The following PRKCQ variants were observed in gnomAD, a reference collection of about 807,000 sequenced individuals.
PRKCQ encodes protein kinase C theta type.
PRKCQ carries 41 observed loss-of-function variants against 91.2 expected under a neutral mutation model. The observed-to-expected ratio is 0.45, with a 90% CI of 0.35 to 0.58. The LOEUF (loss-of-function observed/expected upper bound fraction) is 0.58. PRKCQ is among the 20% of genes least tolerant of loss of function. The pLI is 0.00. For synonymous variants in PRKCQ, 307 were observed against 316.9 expected, an observed-to-expected ratio of 0.97 and a Z score of 0.33; for missense variants, 673 against 896.5, an observed-to-expected ratio of 0.75 and a Z score of 3.18.
At chr10:6,561,883 G>A (rs1404281775) in intron 1 of PRKCQ, among the ~76,000 whole-genome samples, 1 of 152,200 alleles carries the variant, frequency 6.6e-6, no homozygotes, top group Non-Finnish European at 1.5e-5. Context: ...CAGCATGAAA[G>A]AGTTGAGGAA....
intron 12 of PRKCQ, 63 bp downstream of exon 12, chr10:6,478,929 A>C (rs1417453761): frequency 6.4e-7 from 1 of 1,569,552 alleles, no homozygotes; most frequent in African/African-American, 1.4e-5. Flanking sequence ...TGAGGGCGCC[A>C]TTGAAGGTAT....
At chr10:6,469,003 T>G (rs970186770) in intron 12 of PRKCQ, among the ~76,000 whole-genome samples, 1 of 152,248 alleles carries the variant, frequency 6.6e-6, no homozygotes, top group African/African-American at 2.4e-5. Context: ...GTGCCTGGCA[T>G]ATAGCAAGAA....
intron 1 of PRKCQ, among the ~76,000 whole-genome samples, chr10:6,534,261 C>T (rs192618893): frequency 6.6e-4 from 101 of 152,136 alleles, no homozygotes; most frequent in Admixed American, 1.8e-3. Context: ...CTCTGTGATT[C>T]CAAATGCCAA....
intron 1 of PRKCQ, among the ~76,000 whole-genome samples, chr10:6,521,384 C>T (rs1447969062): frequency 6.6e-6 from 1 of 152,190 alleles, no homozygotes; most frequent in Admixed American, 6.5e-5. Context: ...TTCAGCCCAG[C>T]ACTTGTTGTA....
intron 1 of PRKCQ, among the ~76,000 whole-genome samples, chr10:6,525,504 G>A (rs999606723): frequency 6.6e-5 from 10 of 152,214 alleles, no homozygotes; most frequent in African/African-American, 1.7e-4. Flanking sequence ...CCACCTCGCC[G>A]TACTTTCTGT....
intron 14 of PRKCQ, among the ~76,000 whole-genome samples, chr10:6,458,370 C>T (rs1301917675): frequency 6.6e-6 from 1 of 152,130 alleles, no homozygotes; most frequent in East Asian, 1.9e-4. Context: ...GGGCAGAGAA[C>T]CCAGAGGCCC....
rs1332217389 is a variant in PRKCQ, at chr10:6,430,525, C to T, written c.1965+285G>A. ...ACCCCCATCTTGTTTAATAGTCACC[C>T]TCACAAATTCATATTCAACCTAAGG... is the stretch of plus-strand genomic sequence containing the variant. On this transcript the variant is annotated intron_variant, in intron 17 of 17. Transcript: ENST00000263125. This position sits in a 1 kb window ranked among gnomAD's most constrained non-coding sequence, Gnocchi z 4.7. 6.6e-6 allele frequency among the ~76,000 whole-genome samples: 1 copy of T among 152,192 alleles called. No individual in the cohort carries two copies. The highest frequency in any genetic ancestry group is 1.5e-5 in the Non-Finnish European group (1 of 68,042).
chr10:6,508,740 G>C (rs901995302), intron 3 of PRKCQ, among the ~76,000 whole-genome samples: 1 of 152,192 alleles, frequency 6.6e-6, no homozygotes, highest in Non-Finnish European at 1.5e-5. Context: ...TTGGCACCAG[G>C]TGACCACAAG....
At chr10:6,475,647 T>C (rs1721535549) in intron 12 of PRKCQ, among the ~76,000 whole-genome samples, 1 of 152,236 alleles carries the variant, frequency 6.6e-6, no homozygotes, top group Admixed American at 6.5e-5. Flanking sequence ...TTATCTGATG[T>C]CTACACTAGC....
In PRKCQ at chr10:6,428,032, T is replaced by TGAA. The variant is rs367546570; in HGVS notation, c.*172_*174dup. The TGAA allele has an allele frequency of 1.4e-6, 1 of 722,994 alleles. No homozygotes were observed. Among genetic ancestry groups the TGAA allele is most frequent in the African/African-American group, 1.8e-5 (1 of 56,240 alleles). 44.8% of individuals were successfully genotyped at this position (722,994 alleles called of 1,614,324 possible). Reference sequence around the variant, plus strand: ...ACGAGACACACGGCATCGTCATTAGTGAAGTAGACTTGGTTTCTGCTACAG... The same window carrying TGAA: ...ACGAGACACACGGCATCGTCATTAGTGAAGAAGTAGACTTGGTTTCTGCTACAG... On this transcript the variant is annotated 3_prime_UTR_variant, in exon 18 of 18. Transcript: ENST00000263125.
intron 7 of PRKCQ, among the ~76,000 whole-genome samples, chr10:6,494,959 GCT>G (rs890605269): frequency 2.0e-4 from 30 of 152,232 alleles, no homozygotes; most frequent in African/African-American, 7.0e-4. Context: ...CTCCGTCGTG[GCT>G]CTGTTATCTA....
intron 14 of PRKCQ, among the ~76,000 whole-genome samples, chr10:6,461,033 T>C (rs1835307998): frequency 6.6e-6 from 1 of 150,648 alleles, no homozygotes; most frequent in Non-Finnish European, 1.5e-5. Context: ...TCCAGGTACA[T>C]CCATTCATCC....
intron 1 of PRKCQ, among the ~76,000 whole-genome samples, chr10:6,530,022 A>G (rs1483061007): frequency 6.6e-6 from 1 of 152,184 alleles, no homozygotes; most frequent in Admixed American, 6.5e-5. Flanking sequence ...GAAGTGACAC[A>G]CACATTTGTT....
chr10:6,487,919 C>T (rs1837020440), intron 8 of PRKCQ, among the ~76,000 whole-genome samples: 1 of 149,878 alleles, frequency 6.7e-6, no homozygotes, highest in Non-Finnish European at 1.5e-5. Context: ...GCAGAAGAAT[C>T]ACTTCAACTT....
chr10:6,487,359 G>A (rs910926426), intron 8 of PRKCQ, among the ~76,000 whole-genome samples: 4 of 152,204 alleles, frequency 2.6e-5, no homozygotes, highest in Non-Finnish European at 5.9e-5. Flanking sequence ...GAAAAAGAAA[G>A]AGGAGAGGGA....
intron 1 of PRKCQ, among the ~76,000 whole-genome samples, chr10:6,572,865 G>A (rs972403948): frequency 1.3e-5 from 2 of 152,160 alleles, no homozygotes; most frequent in South Asian, 2.1e-4. Flanking sequence ...GTGTAAAAGC[G>A]TTCCTATTTC....
At chr10:6,510,257 T>C (rs1294175155) in intron 3 of PRKCQ, among the ~76,000 whole-genome samples, 2 of 152,226 alleles carry the variant, frequency 1.3e-5, no homozygotes, top group Non-Finnish European at 2.9e-5. Flanking sequence ...TTGATTATTT[T>C]ACTCCTCCTT....
At chr10:6,536,641 C>G (rs1839593970) in intron 1 of PRKCQ, among the ~76,000 whole-genome samples, 1 of 152,194 alleles carries the variant, frequency 6.6e-6, no homozygotes, top group Non-Finnish European at 1.5e-5. Flanking sequence ...CTGTTCTTCT[C>G]CCAGGCAAAA....
chr10:6,550,798 T>C (rs1840154345), intron 1 of PRKCQ, among the ~76,000 whole-genome samples: 1 of 152,218 alleles, frequency 6.6e-6, no homozygotes, highest in South Asian at 2.1e-4. Flanking sequence ...CTGATTCCCA[T>C]AGCAGCTATA....
Sources: gnomAD v4.1 joint callset for allele counts (sites outside exome capture counted in the v4.1 genomes callset) on GRCh38, gnomAD v4.1.1 for gene constraint, Gnocchi (gnomAD v3.1) non-coding constraint, MANE v1.5 for transcripts, NCBI Gene and HGNC (gene_info 2026-07-23, HGNC 2026-07-21) for gene names.